The following ZNF41 variants were observed in gnomAD, a reference collection of about 807,000 sequenced individuals.
ZNF41 encodes zinc finger protein 41.
A neutral mutation model predicts 9.3 loss-of-function variants in ZNF41; 6 were observed. That is an observed-to-expected ratio of 0.65 (90% CI 0.35 to 1.28). The LOEUF is 1.28. Ranked by LOEUF, ZNF41 falls within the 50% of genes most tolerant of loss-of-function variation. ZNF41 has a pLI of 0.03. For synonymous variants in ZNF41, 192 were observed against 207.1 expected, an observed-to-expected ratio of 0.93 and a Z score of 0.63; for missense variants, 523 against 585.8, an observed-to-expected ratio of 0.89 and a Z score of 1.11.
At chrX:47,468,706 T>A (rs886699555) in intron 1 of ZNF41, among the ~76,000 whole-genome samples, 3 of 111,472 alleles carry the variant, frequency 2.7e-5, no homozygotes, top group African/African-American at 9.8e-5. Flanking sequence ...AATCCAGGAC[T>A]GCTACAGGCC....
intron 1 of ZNF41, among the ~76,000 whole-genome samples, chrX:47,480,811 T>C (rs1414357360): frequency 9.5e-6 from 1 of 105,133 alleles, no homozygotes; most frequent in Non-Finnish European, 1.9e-5. Flanking sequence ...GATACCCTTG[T>C]GTTTGGCCCT....
rs368078047 is a variant in ZNF41, at chrX:47,449,093, T to C, written c.677A>G (p.His226Arg). 5 of 1,211,562 alleles carry C rather than the reference T, an allele frequency of 4.1e-6. No homozygotes were observed. The highest frequency in any genetic ancestry group is 5.6e-6 in the Non-Finnish European group (5 of 895,455). ...KIFGNGNNFP[H>R]SPSSTKNENA... ...CTCATTCTTAGTAGAGGAAGGGCTA[T>C]GGGGGAAATTGTTACCATTTCCAAA... The change falls in exon 5 of 5, where the codon CAT (histidine) becomes CGT (arginine). Residue 226 changes from histidine to arginine, a missense_variant. By Grantham distance (29) the His-to-Arg change is conservative. Coordinates refer to ENST00000684689, the MANE Select transcript of ZNF41 (RefSeq NM_001324144.2).
At chrX:47,465,958 T>C (rs2056968048) in intron 2 of ZNF41, among the ~76,000 whole-genome samples, 1 of 112,185 alleles carries the variant, frequency 8.9e-6, no homozygotes. Context: ...AGTATGATTC[T>C]GTTTTAAAAC....
rs767026141 is a variant in ZNF41 at position 47,447,948 on chromosome X, C to T, written c.1822G>A (p.Val608Ile). The change falls in exon 5 of 5, where the codon GTT becomes ATT. Residue 608 changes from valine (V) to isoleucine (I), a missense_variant. Physicochemically the swap from Val to Ile is conservative, Grantham distance 29. Coordinates refer to ENST00000684689, the MANE Select transcript of ZNF41 (RefSeq NM_001324144.2). The stretch of plus-strand genomic sequence containing the variant: ...AAGGCCTTCCCGCATTCAGGACAAA[C>T]GTACGGTTTCTCTCCTGTATGGATT... ...QRIHTGEKPY[V>I]CPECGKAFIQ... 1 of 1,211,648 alleles carries T rather than the reference C, an allele frequency of 8.3e-7. No homozygotes were observed. The highest frequency in any genetic ancestry group is 1.8e-5 in the South Asian group (1 of 56,971).
Position 47,446,543 on chromosome X carries a change from G to A in ZNF41, c.*887C>T, listed in dbSNP as rs922149084. 3 of 109,889 alleles carry A rather than the reference G, an allele frequency of 2.7e-5. No individual in the cohort carries two copies. Among genetic ancestry groups the A allele is most frequent in the African/African-American group, 9.9e-5 (3 of 30,249 alleles). 9.1% of individuals were successfully genotyped at this position (109,889 alleles called of 1,213,427 possible). A position where few individuals can be genotyped will look rare whatever the true frequency, so the allele number is the denominator to read the frequency against. On this transcript the variant is annotated 3_prime_UTR_variant, in exon 5 of 5. Coordinates refer to ENST00000684689, the MANE Select transcript of ZNF41 (RefSeq NM_001324144.2). ...AGTGCCGTGGATCAGTTCCATTGTCGTAGGGTCAGTTACTGAGGGAATCAG... is the reference window on the plus strand; with the variant it reads ...AGTGCCGTGGATCAGTTCCATTGTCATAGGGTCAGTTACTGAGGGAATCAG...
At chrX:47,459,224 AC>A (rs1337233007) in intron 2 of ZNF41, among the ~76,000 whole-genome samples, 1 of 108,153 alleles carries the variant, frequency 9.2e-6, no homozygotes, top group Non-Finnish European at 1.9e-5. Flanking sequence ...GTGGCACGTG[AC>A]TGTAGTCTCA....
rs1341614305 is a variant in ZNF41 at position 47,467,739 on chromosome X, G to A, written c.-258C>T. Reference sequence around the variant, plus strand: ...ACAAATGTTTTCTGGTGGTGCCCAGGGGCCGCTCACTGTGCTGGATGCTGC... The same window carrying A: ...ACAAATGTTTTCTGGTGGTGCCCAGAGGCCGCTCACTGTGCTGGATGCTGC... On this transcript the variant is annotated 5_prime_UTR_variant, in exon 2 of 5. Coordinates refer to ENST00000684689, the MANE Select transcript of ZNF41 (RefSeq NM_001324144.2). 1 of 417,197 alleles carries A rather than the reference G, an allele frequency of 2.4e-6. No individual in the cohort carries two copies. The highest frequency in any genetic ancestry group is 4.2e-6 in the Non-Finnish European group (1 of 239,318). The allele number at this position is 417,197 out of a possible 1,213,427, so 34.4% of individuals were successfully genotyped here.
At chrX:47,456,041 T>C in intron 3 of ZNF41, 25 bp from the exon 4 acceptor site, 5 of 1,188,466 alleles carry the variant, frequency 4.2e-6, no homozygotes, top group Admixed American at 2.2e-5. Context: ...TGATACACGA[T>C]TGGGTCCAGC....
At chrX:47,453,968 A>T (rs1443254904) in intron 4 of ZNF41, among the ~76,000 whole-genome samples, 1 of 111,408 alleles carries the variant, frequency 9.0e-6, no homozygotes, top group Non-Finnish European at 1.9e-5. Context: ...GCTACTCAGG[A>T]GGCTGAGGCA....
intron 1 of ZNF41, among the ~76,000 whole-genome samples, chrX:47,478,456 G>A (rs1196845730): frequency 8.2e-5 from 9 of 110,326 alleles, no homozygotes; most frequent in South Asian, 7.8e-4. Context: ...GCAGTGAGCC[G>A]AGATCATGCC....
chrX:47,470,208 T>C (rs1207011781), intron 1 of ZNF41, among the ~76,000 whole-genome samples: 6 of 103,497 alleles, frequency 5.8e-5, no homozygotes, highest in Non-Finnish European at 1.2e-4. Context: ...GGTCAGGAGT[T>C]CAAGCCCATC....
chrX:47,457,004 G>A (rs1402648376), intron 2 of ZNF41, among the ~76,000 whole-genome samples: 1 of 112,051 alleles, frequency 8.9e-6, no homozygotes, highest in East Asian at 2.8e-4. Flanking sequence ...AAATCCAGTA[G>A]AGATATACTA....
rs1232140837 is a variant in ZNF41 at position 47,448,224 on chromosome X, T to C, written c.1546A>G (p.Thr516Ala). Reference protein sequence around the residue: ...HRTNLTTHQKTHTGEKPYMCA... With the variant: ...HRTNLTTHQKAHTGEKPYMCA... Reference sequence around the variant, plus strand: ...ATATAGGGTTTTTCCCCAGTATGAGTTTTCTGATGTGTGGTGAGGTTTGTC... The same window carrying C: ...ATATAGGGTTTTTCCCCAGTATGAGCTTTCTGATGTGTGGTGAGGTTTGTC... The change falls in exon 5 of 5, where the codon ACT becomes GCT. Residue 516 changes from threonine to alanine, a missense_variant. By Grantham distance (58) the Thr-to-Ala change is moderately conservative. Transcript: ENST00000684689. 2 of 1,211,408 alleles carry C rather than the reference T, an allele frequency of 1.7e-6. No homozygotes were observed. Among genetic ancestry groups the C allele is most frequent in the South Asian group, 3.5e-5 (2 of 56,978 alleles).
Position 47,448,194 on chromosome X carries a change from C to T in ZNF41, c.1576G>A (p.Ala526Thr). Residue 526 changes from alanine (A) to threonine (T), a missense_variant, in exon 5 of 5, where the codon GCT becomes ACT. Ala to Thr is a moderately conservative substitution (Grantham distance 58, BLOSUM62 0). Transcript: ENST00000684689. ...TCAGTAAAAGCCTTTCCACATTCAG[C>T]ACACATATAGGGTTTTTCCCCAGTA... ...THTGEKPYMCAECGKAFTDQS... is the reference protein window; with the variant it reads ...THTGEKPYMCTECGKAFTDQS... 1 of 1,211,539 alleles carries T rather than the reference C, an allele frequency of 8.3e-7. No individual in the cohort carries two copies. The highest frequency in any genetic ancestry group is 1.7e-5 in the African/African-American group (1 of 57,722).
At chrX:47,477,335 T>G (rs951102291) in intron 1 of ZNF41, among the ~76,000 whole-genome samples, 3 of 102,406 alleles carry the variant, frequency 2.9e-5, no homozygotes, top group Admixed American at 1.1e-4. Flanking sequence ...ATAGAGATGG[T>G]GTTTCACCAT....
chrX:47,475,902 A>G (rs2057320796), intron 1 of ZNF41, among the ~76,000 whole-genome samples: 1 of 112,194 alleles, frequency 8.9e-6, no homozygotes, highest in Non-Finnish European at 1.9e-5. Flanking sequence ...TTATATATCA[A>G]TATCATTCAT....
Position 47,447,776 on chromosome X carries a change from C to T in ZNF41, c.1994G>A (p.Cys665Tyr). Reference protein sequence around the residue: ...KIHTGEKPNICAECGKAFTDR... With the variant: ...KIHTGEKPNIYAECGKAFTDR... ...AGTGAAGGCCTTTCCACATTCAGCACATATATTGGGCTTCTCACCTGTGTG... is the reference window on the plus strand; with the variant it reads ...AGTGAAGGCCTTTCCACATTCAGCATATATATTGGGCTTCTCACCTGTGTG... The change falls in exon 5 of 5, where the codon TGT (cysteine) becomes TAT (tyrosine). Residue 665 changes from cysteine (C) to tyrosine (Y), a missense_variant. Cys to Tyr is a radical substitution (Grantham distance 194). Coordinates refer to ENST00000684689, the MANE Select transcript of ZNF41 (RefSeq NM_001324144.2). 2 of 1,211,785 alleles carry T rather than the reference C, an allele frequency of 1.7e-6. No individual in the cohort carries two copies. The highest frequency in any genetic ancestry group is 1.1e-6 in the Non-Finnish European group (1 of 895,536).
chrX:47,464,526 C>A (rs1189853898), intron 2 of ZNF41, among the ~76,000 whole-genome samples: 1 of 111,935 alleles, frequency 8.9e-6, no homozygotes, highest in Non-Finnish European at 1.9e-5. Flanking sequence ...AAACCAAGAA[C>A]CTAACCAATA....
rs976436877 is a variant in ZNF41 at position 47,464,947 on chromosome X, G to A, written c.72+2463C>T. Among the ~76,000 whole-genome samples, 8 of 112,338 alleles carry A rather than the reference G, an allele frequency of 7.1e-5. No homozygotes were observed. In the East Asian group the frequency reaches 2.2e-3, roughly 31 times the overall value. On this transcript the variant is annotated intron_variant, in intron 2 of 4. Transcript: ENST00000684689. ...GTCACCCAGGCTGGAGTGCAGTGGT[G>A]TGATCTCGGCTCACTGTAGCCTCAA... is the stretch of plus-strand genomic sequence containing the variant.
Sources: gnomAD v4.1 joint callset for allele counts (sites outside exome capture counted in the v4.1 genomes callset) on GRCh38, gnomAD v4.1.1 for gene constraint, MANE v1.5 for transcripts, NCBI Gene and HGNC (gene_info 2026-07-23, HGNC 2026-07-21) for gene names.